The following DDX21 variants were observed in gnomAD, a reference collection of about 807,000 sequenced individuals.
DDX21 encodes nucleolar RNA helicase 2.
DDX21 carries 18 observed loss-of-function variants against 90.0 expected under a neutral mutation model. That is an observed-to-expected ratio of 0.20 (90% CI 0.14 to 0.30). The LOEUF (loss-of-function observed/expected upper bound fraction) is 0.30. DDX21 is among the 10% of genes least tolerant of loss of function. DDX21 has a pLI of 1.00. For missense variants in DDX21, 673 were observed against 944.5 expected, an observed-to-expected ratio of 0.71 and a Z score of 3.77; for synonymous variants, 294 against 318.0, an observed-to-expected ratio of 0.92 and a Z score of 0.80.
At position 68,977,617 on chromosome 10, in the gene DDX21, C is replaced by T. The variant is rs776649722; in HGVS notation, c.1831C>T (p.Leu611=). The T allele has an allele frequency of 1.2e-6, 2 of 1,614,092 alleles. No individual in the cohort carries two copies. Among genetic ancestry groups the T allele is most frequent in the Non-Finnish European group, 1.7e-6 (2 of 1,179,970 alleles). The change falls in exon 12 of 15, where the codon CTG becomes TTG. Residue 611 remains leucine, a synonymous_variant. Coordinates refer to ENST00000354185, the MANE Select transcript of DDX21 (RefSeq NM_004728.4). ...AGAGGAGAAGGGAGCTGTGGAAGCTCTGGCAGCAGCACTGGCCCATATTTC... is the reference window on the plus strand; with the variant it reads ...AGAGGAGAAGGGAGCTGTGGAAGCTTTGGCAGCAGCACTGGCCCATATTTC... ...LIEEKGAVEA[L]AAALAHISGA... is the part of the protein sequence containing the mutation.
In DDX21 at chr10:68,977,835, C is replaced by T. The variant is rs942774822; in HGVS notation, c.1902+147C>T. The T allele has an allele frequency of 2.1e-5, 18 of 873,908 alleles. No homozygotes were observed. The African/African-American group carries it at 3.1e-4, about 15-fold the overall frequency. 54.1% of individuals were successfully genotyped at this position (873,908 alleles called of 1,614,324 possible). A position where few individuals can be genotyped will look rare whatever the true frequency, so the allele number is the denominator to read the frequency against. On this transcript the variant is annotated intron_variant, in intron 12 of 14. Transcript: ENST00000354185. ...GTATTTTACAATTTCTGGCCAGACA[C>T]AGTGGCTCATGCCTGTAATCCCAGC...
intron 1 of DDX21, 55 bp from the exon 2 acceptor site, chr10:68,959,751 C>A: frequency 8.0e-7 from 1 of 1,251,816 alleles, no homozygotes; most frequent in Non-Finnish European, 1.1e-6. Context: ...ATGAATGTTG[C>A]AAATGTATAA....
chr10:68,960,373 T>TGG (rs1378166113), intron 2 of DDX21, 124 bp downstream of exon 2: 1 of 995,244 alleles, frequency 1.0e-6, no homozygotes, highest in Non-Finnish European at 1.4e-6. Context: ...CCTTGTGGGT[T>TGG]GGGGGATACC....
intron 3 of DDX21, 140 bp from the exon 4 acceptor site, chr10:68,963,151 C>G (rs1307805421): frequency 2.4e-6 from 2 of 838,300 alleles, no homozygotes; most frequent in Middle Eastern, 2.6e-4. Context: ...GTATTTGAGC[C>G]TAACTTTGTA....
chr10:68,961,118 A>G (rs1842867143), intron 2 of DDX21, among the ~76,000 whole-genome samples: 1 of 152,212 alleles, frequency 6.6e-6, no homozygotes. Flanking sequence ...AATTTGTTTT[A>G]GACATGGGAT....
At chr10:68,958,489 T>A (rs1177508708) in intron 1 of DDX21, among the ~76,000 whole-genome samples, 3 of 151,828 alleles carry the variant, frequency 2.0e-5, no homozygotes, top group Non-Finnish European at 4.4e-5. Flanking sequence ...CAGGCTGGAG[T>A]GCAGTGGCAT....
At chr10:68,968,948 C>T (rs897105435) in intron 6 of DDX21, 28 bp from the exon 7 acceptor site, 5 of 1,610,872 alleles carry the variant, frequency 3.1e-6, no homozygotes, top group African/African-American at 2.7e-5. Context: ...ATTATTCATA[C>T]TGACTTTTTT....
rs150436605 is a variant in DDX21 at position 68,962,144 on chromosome 10, T to A, written c.594T>A (p.Ile198=). 1.9e-6 allele frequency: 3 copies of A among 1,607,744 alleles called. No homozygotes were observed. The highest frequency in any genetic ancestry group is 1.3e-5 in the African/African-American group (1 of 74,728). The change falls in exon 3 of 15, where the codon ATT becomes ATA. Residue 198 remains isoleucine (I), a synonymous_variant. Coordinates refer to ENST00000354185, the MANE Select transcript of DDX21 (RefSeq NM_004728.4). ...FSNFPISEET[I]KLLKGRGVTF... ...ATTTTCCCATATCTGAAGAAACTAT[T>A]AAACTTCTCAAAGGTAATGTTCTTG...
chr10:68,958,740 A>G (rs1340662121), intron 1 of DDX21, among the ~76,000 whole-genome samples: 1 of 152,132 alleles, frequency 6.6e-6, no homozygotes, highest in Non-Finnish European at 1.5e-5. Context: ...CCCAGCCTAA[A>G]TTTTAAACTT....
At chr10:68,956,502 C>T in intron 1 of DDX21, 190 bp downstream of exon 1, 2 of 1,435,506 alleles carry the variant, frequency 1.4e-6, no homozygotes, top group Non-Finnish European at 1.8e-6. Context: ...CGTCGTTTGC[C>T]CGACCGAGCC....
chr10:68,966,629 G>A lies in DDX21; in HGVS notation c.905-389G>A, dbSNP rs529932517. Among the ~76,000 whole-genome samples the A allele has an allele frequency of 2.0e-5, 3 of 151,758 alleles. No homozygotes were observed. In the East Asian group the frequency reaches 5.9e-4, roughly 30 times the overall value. On this transcript the variant is annotated intron_variant, in intron 5 of 14. Coordinates refer to ENST00000354185, the MANE Select transcript of DDX21 (RefSeq NM_004728.4). ...GGTTAATTTTTGTAGTTTTAGTAAA[G>A]ATGGTGTTTCACCATGTTGGCCAGG...
At chr10:68,968,158 C>T (rs1373082259) in intron 6 of DDX21, among the ~76,000 whole-genome samples, 1 of 152,082 alleles carries the variant, frequency 6.6e-6, no homozygotes, top group Non-Finnish European at 1.5e-5. Context: ...TACAGATGTG[C>T]TCTACCGCGG....
chr10:68,970,112 A>G, intron 7 of DDX21, 89 bp from the exon 8 acceptor site: 3 of 1,259,398 alleles, frequency 2.4e-6, no homozygotes, highest in African/African-American at 3.0e-5. Context: ...ACATTAGAAC[A>G]TTAGTGTTGT....
At chr10:68,970,166 T>C in intron 7 of DDX21, 35 bp from the exon 8 acceptor site, 1 of 1,584,636 alleles carries the variant, frequency 6.3e-7, no homozygotes, top group Non-Finnish European at 8.6e-7. Flanking sequence ...CAGCAAAGCT[T>C]TACTAAATAG....
Position 68,982,677 on chromosome 10 carries a change from C to T in DDX21, c.2217C>T (p.Asp739=), listed in dbSNP as rs746814470. 3.8e-5 allele frequency: 62 copies of T among 1,613,228 alleles called. No homozygotes were observed. In the Middle Eastern group the frequency reaches 6.6e-4, roughly 17 times the overall value. The change falls in exon 15 of 15, where the codon GAC becomes GAT. Residue 739 remains aspartate, a synonymous_variant. Coordinates refer to ENST00000354185, the MANE Select transcript of DDX21 (RefSeq NM_004728.4). ...EGSRGFRGQR[D]GNRRFRGQRE... ...GTCGAGGCTTCAGGGGACAGCGGGA[C>T]GGAAACAGAAGATTCAGAGGACAGC...
chr10:68,970,392 C>A, intron 8 of DDX21, 42 bp downstream of exon 8: 3 of 1,574,898 alleles, frequency 1.9e-6, no homozygotes, highest in Non-Finnish European at 1.7e-6. Flanking sequence ...GGGATATCAA[C>A]AAATCTTCAC....
At chr10:68,966,098 C>T (rs375449456) in intron 5 of DDX21, among the ~76,000 whole-genome samples, 1 of 150,978 alleles carries the variant, frequency 6.6e-6, no homozygotes, top group South Asian at 2.1e-4. Flanking sequence ...AGATCGAGAC[C>T]ATCCTGGCTA....
At chr10:68,981,393 T>G in intron 13 of DDX21, 144 bp from the exon 14 acceptor site, 1 of 729,118 alleles carries the variant, frequency 1.4e-6, no homozygotes, top group Non-Finnish European at 2.4e-6. Context: ...TTAGCTTTGG[T>G]CTAAAGTTCA....
intron 13 of DDX21, among the ~76,000 whole-genome samples, chr10:68,981,220 A>G (rs1843185731): frequency 6.6e-6 from 1 of 152,216 alleles, no homozygotes; most frequent in Non-Finnish European, 1.5e-5. Context: ...AACCTTTCCA[A>G]GCCTGTTTGC....
Sources: allele counts gnomAD v4.1 joint callset (sites outside exome capture counted in the v4.1 genomes callset), GRCh38; gene constraint gnomAD v4.1.1; transcripts MANE v1.5; gene names NCBI Gene and HGNC (gene_info 2026-07-23, HGNC 2026-07-21).